Variants in SYT6 observed in about 807,000 individuals in gnomAD.
SYT6 encodes synaptotagmin-6.
Under a neutral mutation model 38.4 loss-of-function variants are expected in SYT6, and 24 were observed. The observed-to-expected ratio is 0.62, with a 90% CI of 0.45 to 0.88. SYT6 has a LOEUF of 0.88. SYT6 is among the 40% of genes least tolerant of loss of function. The pLI is 0.00. For synonymous variants in SYT6, 265 were observed against 241.9 expected, an observed-to-expected ratio of 1.10 and a Z score of -0.89; for missense variants, 611 against 621.0, an observed-to-expected ratio of 0.98 and a Z score of 0.17.
chr1:114,133,717 T>G (rs922074578), intron 3 of SYT6, among the ~76,000 whole-genome samples: 3 of 152,204 alleles, frequency 2.0e-5, no homozygotes, highest in African/African-American at 7.2e-5. Flanking sequence ...GCACGAGGCC[T>G]CCGACTGCCC....
At chr1:114,114,480 C>T (rs941660348) in intron 3 of SYT6, among the ~76,000 whole-genome samples, 1 of 152,174 alleles carries the variant, frequency 6.6e-6, no homozygotes, top group Non-Finnish European at 1.5e-5. Context: ...TCAGCCTCAG[C>T]CTCTGGTCTC....
rs566168227 is a variant in SYT6, at chr1:114,121,721, G to A, written c.1071+15774C>T. On this transcript the variant is annotated intron_variant, in intron 3 of 7. Coordinates refer to ENST00000610222, the MANE Select transcript of SYT6 (RefSeq NM_001253772.2). ...CATTTTAAAACTGTGTGACTTCAAG[G>A]AATTGCCTCAGTTTCCCCATCTATA... Among the ~76,000 whole-genome samples, 10 of 152,226 alleles carry A rather than the reference G, an allele frequency of 6.6e-5. No homozygotes were observed. The East Asian group carries it at 1.9e-3, about 29-fold the overall frequency.
At chr1:114,108,618 C>G (rs991450390) in intron 3 of SYT6, among the ~76,000 whole-genome samples, 1 of 152,188 alleles carries the variant, frequency 6.6e-6, no homozygotes, top group Non-Finnish European at 1.5e-5. Context: ...CTGAGACGAC[C>G]CAAGGATGCT....
intron 3 of SYT6, among the ~76,000 whole-genome samples, chr1:114,125,643 G>A (rs601905): frequency 0.77 from 117,474 of 151,814 alleles, 46,318 homozygotes; most frequent in African/African-American, 0.94. Context: ...ATTTTTCTGT[G>A]TTGCTGCTGA....
intron 3 of SYT6, among the ~76,000 whole-genome samples, chr1:114,117,869 C>T (rs1019806714): frequency 6.6e-6 from 1 of 152,230 alleles, no homozygotes; most frequent in Admixed American, 6.5e-5. Flanking sequence ...ATGACCTCAC[C>T]TCCTCATTAG....
At chr1:114,144,110 C>G (rs963294654) in intron 1 of SYT6, among the ~76,000 whole-genome samples, 1 of 152,206 alleles carries the variant, frequency 6.6e-6, no homozygotes, top group Non-Finnish European at 1.5e-5. Context: ...ATTCCATCAT[C>G]ATCGTCACCC....
chr1:114,105,461 C>CA (rs1553179886), intron 3 of SYT6, among the ~76,000 whole-genome samples: 17 of 150,378 alleles, frequency 1.1e-4, no homozygotes, highest in East Asian at 2.0e-4. Context: ...AGTCACCCCC[C>CA]AAATCAAATT....
At chr1:114,098,348 T>C (rs1675773712) in intron 5 of SYT6, among the ~76,000 whole-genome samples, 1 of 152,222 alleles carries the variant, frequency 6.6e-6, no homozygotes, top group East Asian at 1.9e-4. Context: ...CCTGAGAACT[T>C]GGGCTGAAAG....
intron 3 of SYT6, among the ~76,000 whole-genome samples, chr1:114,127,412 T>A (rs2101056150): frequency 6.6e-6 from 1 of 152,290 alleles, no homozygotes. Context: ...TTTTCAGCAA[T>A]CCTTCTCTAG....
At chr1:114,142,155 T>C (rs1166726804) in intron 1 of SYT6, among the ~76,000 whole-genome samples, 1 of 152,194 alleles carries the variant, frequency 6.6e-6, no homozygotes, top group Admixed American at 6.5e-5. Flanking sequence ...GTGATTCCTC[T>C]GATGGATCTG....
At chr1:114,107,223 T>C (rs559122441) in intron 3 of SYT6, among the ~76,000 whole-genome samples, 1 of 152,312 alleles carries the variant, frequency 6.6e-6, no homozygotes, top group East Asian at 1.9e-4. Context: ...GAGGGGTCCC[T>C]CGGGGTAAAC....
rs757240417 is a variant in SYT6, at chr1:114,104,615, T to A, written c.1072-894A>T. Among the ~76,000 whole-genome samples, 30 of 152,016 alleles carry A rather than the reference T, an allele frequency of 2.0e-4. No individual in the cohort carries two copies. The Middle Eastern group carries it at 0.02, about 103-fold the overall frequency. On this transcript the variant is annotated intron_variant, in intron 3 of 7. Coordinates refer to ENST00000610222, the MANE Select transcript of SYT6 (RefSeq NM_001253772.2). ...ATTTCCTCCCATAGGGCTTCCAGAG[T>A]CAGGTTTGAGGAGGAAGAGGTCAGC...
At chr1:114,152,344 C>G (rs963599690) in intron 1 of SYT6, 1 of 152,328 alleles carries the variant, frequency 6.6e-6, no homozygotes, top group Non-Finnish European at 1.5e-5. Flanking sequence ...GAGCAACTCC[C>G]GAGTGCTCCT....
chr1:114,118,081 G>A (rs2101029839), intron 3 of SYT6, among the ~76,000 whole-genome samples: 1 of 152,296 alleles, frequency 6.6e-6, no homozygotes. Flanking sequence ...GGAGAAGCAA[G>A]CGGTGTGGGA....
chr1:114,120,276 C>G (rs919136900), intron 3 of SYT6, among the ~76,000 whole-genome samples: 1 of 152,162 alleles, frequency 6.6e-6, no homozygotes, highest in Non-Finnish European at 1.5e-5. Flanking sequence ...AAAATTTCCT[C>G]TTGTCTTAGA....
intron 1 of SYT6, among the ~76,000 whole-genome samples, chr1:114,142,824 T>C (rs1678933651): frequency 6.6e-6 from 1 of 152,224 alleles, no homozygotes; most frequent in Non-Finnish European, 1.5e-5. Flanking sequence ...GGCTCATTTT[T>C]AGCAATTTAG....
chr1:114,101,679 A>C (rs77433115), intron 4 of SYT6, among the ~76,000 whole-genome samples: 35,030 of 152,150 alleles, frequency 0.23, 4,267 homozygotes, highest in Non-Finnish European at 0.28. Context: ...TCCAACATCG[A>C]ATAAGTCTGG....
At chr1:114,116,127 G>C (rs75113038) in intron 3 of SYT6, among the ~76,000 whole-genome samples, 3 of 152,206 alleles carry the variant, frequency 2.0e-5, no homozygotes, top group African/African-American at 7.2e-5. Flanking sequence ...GTCACCCTGC[G>C]TTACAGACTA....
chr1:114,134,287 T>C (rs1347596925), intron 3 of SYT6, among the ~76,000 whole-genome samples: 2 of 152,220 alleles, frequency 1.3e-5, no homozygotes, highest in Admixed American at 1.3e-4. Flanking sequence ...TAAATACTAC[T>C]TGAGCTGCTT....
Sources: allele counts gnomAD v4.1 joint callset (sites outside exome capture counted in the v4.1 genomes callset), GRCh38; gene constraint gnomAD v4.1.1; transcripts MANE v1.5; gene names NCBI Gene and HGNC (gene_info 2026-07-23, HGNC 2026-07-21).